The following TYW1B variants were observed in gnomAD, a reference collection of about 807,000 sequenced individuals.
TYW1B encodes the protein S-adenosyl-L-methionine-dependent tRNA 4-demethylwyosine synthase TYW1B.
Under a neutral mutation model 86.9 loss-of-function variants are expected in TYW1B, and 73 were observed. The observed-to-expected ratio is 0.84, with a 90% CI of 0.70 to 1.02. TYW1B has a LOEUF of 1.02. Among genes scored for constraint, TYW1B ranks in the 50% least tolerant of loss-of-function variants. The pLI, the probability that TYW1B is intolerant of heterozygous loss-of-function variation, is 0.00. For synonymous variants in TYW1B, 248 were observed against 292.8 expected (o/e 0.85, Z 1.56); for missense variants, 637 against 827.4 (o/e 0.77, Z 2.82).
intron 11 of TYW1B, among the ~76,000 whole-genome samples, chr7:72,653,314 A>C (rs551936197): frequency 2.0e-5 from 3 of 152,190 alleles, no homozygotes; most frequent in South Asian, 2.1e-4. Flanking sequence ...CCAATATCAA[A>C]AATGAAAAGA....
intron 10 of TYW1B, among the ~76,000 whole-genome samples, chr7:72,700,796 G>T (rs1365131974): frequency 6.6e-6 from 1 of 152,114 alleles, no homozygotes; most frequent in Non-Finnish European, 1.5e-5. Context: ...GCCAGGTGTG[G>T]TGGCTCATGC....
At position 72,616,722 on chromosome 7, in the gene TYW1B, T is replaced by C. The variant is rs1812083774; in HGVS notation, c.1735A>G (p.Ile579Val). The C allele has an allele frequency of 6.2e-7, 1 of 1,614,104 alleles. No homozygotes were observed. The highest frequency in any genetic ancestry group is 1.7e-5 in the Admixed American group (1 of 60,006). ...ELVDLIPEYE[I>V]ACEHEHSNCL... ...TTAGAGTGTTCGTGTTCACATGCAA[T>C]TTCATATTCGGGGATCAGATCCACC... The change falls in exon 13 of 14, where the codon ATT (isoleucine) becomes GTT (valine). Residue 579 changes from isoleucine to valine, a missense_variant. Coordinates refer to ENST00000620995, the MANE Select transcript of TYW1B (RefSeq NM_001145440.3).
At chr7:72,779,641 C>T (rs1430520450) in intron 6 of TYW1B, among the ~76,000 whole-genome samples, 2 of 136,632 alleles carry the variant, frequency 1.5e-5, no homozygotes, top group Admixed American at 1.7e-4. Flanking sequence ...CGCTTGAACC[C>T]GGGAGGCGGA....
intron 6 of TYW1B, among the ~76,000 whole-genome samples, chr7:72,791,729 T>C (rs1788223352): frequency 6.6e-6 from 1 of 152,036 alleles, no homozygotes; most frequent in South Asian, 2.1e-4. Context: ...GTGAGCGAGA[T>C]GGCGCCACTG....
intron 2 of TYW1B, among the ~76,000 whole-genome samples, chr7:72,821,006 T>C (rs1554480359): frequency 6.6e-6 from 1 of 152,210 alleles, no homozygotes; most frequent in Non-Finnish European, 1.5e-5. Flanking sequence ...AAGGTTTCAC[T>C]CTGTCCCCCA....
At chr7:72,613,099 T>C (rs1554436243) in intron 13 of TYW1B, among the ~76,000 whole-genome samples, 2 of 152,130 alleles carry the variant, frequency 1.3e-5, no homozygotes, top group Non-Finnish European at 2.9e-5. Flanking sequence ...TGTATTCTTT[T>C]GAAATAGCAA....
intron 13 of TYW1B, among the ~76,000 whole-genome samples, chr7:72,576,582 G>A (rs1481367477): frequency 1.4e-5 from 2 of 147,998 alleles, no homozygotes; most frequent in Non-Finnish European, 3.0e-5. Context: ...GCCTGATCTC[G>A]GCTCACTGCA....
At chr7:72,745,029 GTTTGT>G (rs1787371366) in intron 7 of TYW1B, among the ~76,000 whole-genome samples, 2 of 152,150 alleles carry the variant, frequency 1.3e-5, no homozygotes, top group Admixed American at 6.5e-5. Flanking sequence ...TCGTTCTTTT[GTTTGT>G]TTTGTTTTGA....
intron 11 of TYW1B, among the ~76,000 whole-genome samples, chr7:72,633,263 C>T (rs1398939683): frequency 2.0e-5 from 3 of 152,308 alleles, no homozygotes; most frequent in East Asian, 3.9e-4. Flanking sequence ...ATTCTGGGTG[C>T]GCTGCCTATG....
chr7:72,575,293 A>C lies in TYW1B; in HGVS notation c.*205T>G, dbSNP rs1472490383. Reference sequence around the variant, plus strand: ...AGAAGTAAAATCAGGAAAGGGGCTGAGTTCTGAAAAGAAACATCGGGGCTG... The same window carrying C: ...AGAAGTAAAATCAGGAAAGGGGCTGCGTTCTGAAAAGAAACATCGGGGCTG... On this transcript the variant is annotated 3_prime_UTR_variant, in exon 14 of 14. Transcript: ENST00000620995. The C allele has an allele frequency of 2.1e-6, 3 of 1,403,882 alleles. No homozygotes were observed. The highest frequency in any genetic ancestry group is 1.4e-5 in the African/African-American group (1 of 69,174). 87.0% of individuals were successfully genotyped at this position (1,403,882 alleles called of 1,614,324 possible).
At chr7:72,624,317 T>C (rs1186176829) in intron 12 of TYW1B, among the ~76,000 whole-genome samples, 1 of 152,150 alleles carries the variant, frequency 6.6e-6, no homozygotes, top group Non-Finnish European at 1.5e-5. Context: ...AAAAGTAAAA[T>C]TAATAAACAT....
intron 13 of TYW1B, among the ~76,000 whole-genome samples, chr7:72,589,510 T>G (rs1811347375): frequency 6.6e-6 from 1 of 152,218 alleles, no homozygotes; most frequent in South Asian, 2.1e-4. Flanking sequence ...AGAAGTAAAC[T>G]GTGCCAGCAG....
chr7:72,707,251 A>C (rs559746397), intron 10 of TYW1B, among the ~76,000 whole-genome samples: 2 of 152,258 alleles, frequency 1.3e-5, no homozygotes, highest in African/African-American at 4.8e-5. Flanking sequence ...GCTTGCCCCC[A>C]TCGCTGCTCT....
intron 4 of TYW1B, 80 bp downstream of exon 4, chr7:72,810,391 T>TG: frequency 4.4e-5 from 5 of 112,702 alleles, no homozygotes; most frequent in Admixed American, 1.4e-4. Flanking sequence ...TGCACGTGTG[T>TG]TTGTGTGTGT....
At chr7:72,639,771 C>T (rs1450443513) in intron 11 of TYW1B, among the ~76,000 whole-genome samples, 2 of 151,012 alleles carry the variant, frequency 1.3e-5, no homozygotes, top group African/African-American at 4.9e-5. Context: ...GAGGCTCAGG[C>T]AGGAGAATCA....
chr7:72,764,738 G>A (rs1787743854), intron 7 of TYW1B, among the ~76,000 whole-genome samples: 2 of 152,138 alleles, frequency 1.3e-5, no homozygotes, highest in East Asian at 3.8e-4. Flanking sequence ...CCATAAAACT[G>A]CTAATCAAGA....
intron 7 of TYW1B, among the ~76,000 whole-genome samples, chr7:72,770,972 T>A (rs1787857009): frequency 7.0e-6 from 1 of 143,160 alleles, no homozygotes; most frequent in Admixed American, 7.1e-5. Context: ...TTTTTTTTTT[T>A]TTTTTTTGAG....
At chr7:72,775,160 G>A (rs1787933266) in intron 7 of TYW1B, among the ~76,000 whole-genome samples, 1 of 152,132 alleles carries the variant, frequency 6.6e-6, no homozygotes. Context: ...AATAGAACAT[G>A]AGTGAGTTGT....
chr7:72,664,638 A>AT (rs1373977703), intron 11 of TYW1B, among the ~76,000 whole-genome samples: 4 of 152,316 alleles, frequency 2.6e-5, no homozygotes, highest in South Asian at 2.1e-4. Flanking sequence ...ATCAGGAAAA[A>AT]AACAAATGGG....
Sources: allele counts gnomAD v4.1 joint callset (sites outside exome capture counted in the v4.1 genomes callset), GRCh38; gene constraint gnomAD v4.1.1; transcripts MANE v1.5; gene names NCBI Gene and HGNC (gene_info 2026-07-23, HGNC 2026-07-21).